The following CHD1 variants were observed in gnomAD, a reference collection of about 807,000 sequenced individuals.
CHD1 encodes chromodomain helicase DNA binding protein 1, also known as ATP-dependent chromatin remodeler CHD1.
CHD1 carries 36 observed loss-of-function variants against 224.2 expected under a neutral mutation model. The ratio of observed to expected loss-of-function variants is 0.16; its 90% CI spans 0.12 to 0.21. The LOEUF is 0.21. CHD1 is among the 10% of genes least tolerant of loss of function. The pLI, the probability that CHD1 is intolerant of heterozygous loss-of-function variation, is 1.00. For synonymous variants in CHD1, 668 were observed against 658.3 expected (o/e 1.01, Z -0.23); for missense variants, 1,378 against 1,994.8 (o/e 0.69, Z 5.89).
rs558866796 is a variant in CHD1 at position 98,878,469 on chromosome 5, T to A, written c.3237+1083A>T. Among the ~76,000 whole-genome samples, 11 of 152,260 alleles carry A rather than the reference T, an allele frequency of 7.2e-5. No homozygotes were observed. In the South Asian group the frequency reaches 2.3e-3, roughly 31 times the overall value. Reference sequence around the variant, plus strand: ...AAGGAAGCACGAAAAAACTCAGCAATCAAGACAAAAAATCTTATATCCTAA... The same window carrying A: ...AAGGAAGCACGAAAAAACTCAGCAAACAAGACAAAAAATCTTATATCCTAA... On this transcript the variant is annotated intron_variant, in intron 23 of 35. Coordinates refer to ENST00000614616, the MANE Select transcript of CHD1 (RefSeq NM_001270.4).
intron 2 of CHD1, among the ~76,000 whole-genome samples, chr5:98,915,463 C>T (rs1212764672): frequency 6.6e-6 from 1 of 152,068 alleles, no homozygotes; most frequent in African/African-American, 2.4e-5. Context: ...TTGTGTTGAA[C>T]CCAGGATAAA....
In CHD1 at chr5:98,866,690, G is replaced by A. The variant is rs558242112; in HGVS notation, c.4248+1805C>T. Among the ~76,000 whole-genome samples, 10 of 151,988 alleles carry A rather than the reference G, an allele frequency of 6.6e-5. No individual in the cohort carries two copies. The East Asian group carries it at 7.7e-4, about 12-fold the overall frequency. On this transcript the variant is annotated intron_variant, in intron 31 of 35. Transcript: ENST00000614616. ...AGAAATCTCTAAAAAGGAAATATAG[G>A]AATATATATTTATATATAAATTTGT...
intron 31 of CHD1, among the ~76,000 whole-genome samples, chr5:98,867,293 A>G (rs985341678): frequency 1.7e-4 from 26 of 152,238 alleles, no homozygotes; most frequent in Admixed American, 1.5e-3. Flanking sequence ...GAGAATCAGT[A>G]TATTTGACAA....
intron 1 of CHD1, among the ~76,000 whole-genome samples, chr5:98,928,201 C>G (rs2112694858): frequency 6.6e-6 from 1 of 151,920 alleles, no homozygotes; most frequent in Admixed American, 6.5e-5. Flanking sequence ...CGCCGCTCCC[C>G]ACGTGCTGGG....
rs1491111295 is a variant in CHD1 at position 98,911,146 on chromosome 5, A to AAATATATAT, written c.54-6049_54-6048insATATATATT. 5.1e-4 allele frequency among the ~76,000 whole-genome samples: 20 copies of AAATATATAT among 39,120 alleles called. 1 individual carries two copies. The highest frequency in any genetic ancestry group is 2.2e-3 in the African/African-American group (18 of 8,332). 25.7% of individuals were successfully genotyped at this position (39,120 alleles called of 152,430 possible). On this transcript the variant is annotated intron_variant, in intron 2 of 35. Coordinates refer to ENST00000614616, the MANE Select transcript of CHD1 (RefSeq NM_001270.4). ...TGCTAAAATGAAAAAAAAAAAAAAAAATATATATATATATATATATATATA... is the reference window on the plus strand; with the variant it reads ...TGCTAAAATGAAAAAAAAAAAAAAAAAATATATATATATATATATATATATATATATATA...
chr5:98,873,480 T>C (rs1749518199), intron 26 of CHD1, 113 bp downstream of exon 26: 1 of 820,360 alleles, frequency 1.2e-6, no homozygotes, highest in Non-Finnish European at 1.7e-6. Context: ...GTTTTATAAA[T>C]AACCTTTTGA....
chr5:98,925,418 CAAT>C (rs1320799273), intron 2 of CHD1, among the ~76,000 whole-genome samples: 1 of 152,118 alleles, frequency 6.6e-6, no homozygotes, highest in African/African-American at 2.4e-5. Flanking sequence ...ATAAGATAAA[CAAT>C]AGTTTAATCC....
In CHD1 at chr5:98,868,498, G is replaced by A; in HGVS notation, c.4245C>T (p.Ser1415=). The change falls in exon 31 of 36, where the codon AGC becomes AGT. Residue 1415 remains serine, a synonymous_variant. Transcript: ENST00000614616. ...ESEELDQKTF[S]ICKERMRPVK... is the part of the protein sequence containing the mutation. ...AATCAGAAAGTCTAAGGCTTACAATGCTGAATGTCTTCTGATCCAGCTCTT... is the reference window on the plus strand; with the variant it reads ...AATCAGAAAGTCTAAGGCTTACAATACTGAATGTCTTCTGATCCAGCTCTT... 1 of 1,607,160 alleles carries A rather than the reference G, an allele frequency of 6.2e-7. No homozygotes were observed. Among genetic ancestry groups the A allele is most frequent in the Non-Finnish European group, 8.5e-7 (1 of 1,178,558 alleles).
At position 98,921,265 on chromosome 5, in the gene CHD1, T is replaced by A. The variant is rs577420970; in HGVS notation, c.53+5069A>T. The stretch of plus-strand genomic sequence containing the variant: ...GTTACTGCTTCCGGAGAAACGAAAC[T>A]TACCTAGCCTCTTGCTAGTCCTGCT... On this transcript the variant is annotated intron_variant, in intron 2 of 35. Coordinates refer to ENST00000614616, the MANE Select transcript of CHD1 (RefSeq NM_001270.4). 2.0e-5 allele frequency among the ~76,000 whole-genome samples: 3 copies of A among 152,310 alleles called. No homozygotes were observed. The South Asian group carries it at 6.2e-4, about 32-fold the overall frequency.
Position 98,868,506 on chromosome 5 carries a change from T to C in CHD1, c.4237A>G (p.Thr1413Ala). The C allele has an allele frequency of 6.2e-7, 1 of 1,608,914 alleles. No homozygotes were observed. Among genetic ancestry groups the C allele is most frequent in the Non-Finnish European group, 8.5e-7 (1 of 1,178,886 alleles). ...AGTCTAAGGCTTACAATGCTGAATG[T>C]CTTCTGATCCAGCTCTTCAGATTCT... The part of the protein sequence containing the change: ...SEESEELDQK[T>A]FSICKERMRP... Residue 1413 changes from threonine to alanine, a missense_variant, in exon 31 of 36, where the codon ACA becomes GCA. By Grantham distance (58) the Thr-to-Ala change is moderately conservative. Around this residue, in one of 16 missense-constraint regions of CHD1, gnomAD observed 23 missense variants for 65.8 expected, o/e 0.35. Coordinates refer to ENST00000614616, the MANE Select transcript of CHD1 (RefSeq NM_001270.4).
At chr5:98,858,831 G>C (rs980503284) in intron 34 of CHD1, 133 bp downstream of exon 34, 29 of 510,650 alleles carry the variant, frequency 5.7e-5, no homozygotes, top group Non-Finnish European at 9.1e-5. Flanking sequence ...CAGAATTACT[G>C]TATCTCCTTA....
rs761433439 is a variant in CHD1, at chr5:98,869,739, A to G, written c.4107+15T>C. 18 of 1,612,034 alleles carry G rather than the reference A, an allele frequency of 1.1e-5. No individual in the cohort carries two copies. Among genetic ancestry groups the G allele is most frequent in the Non-Finnish European group, 1.4e-5 (17 of 1,179,140 alleles). ...TTTCCATAGAAAAGGTTGTTGTTCT[A>G]AAACACATTCTTACTTTATCATCAT... is the stretch of plus-strand genomic sequence containing the variant. On this transcript the variant is annotated intron_variant, in intron 30 of 35. Coordinates refer to ENST00000614616, the MANE Select transcript of CHD1 (RefSeq NM_001270.4).
chr5:98,906,173 C>T (rs189852402), intron 2 of CHD1, among the ~76,000 whole-genome samples: 3 of 152,186 alleles, frequency 2.0e-5, no homozygotes, highest in African/African-American at 4.8e-5. Context: ...TTTGATTCTA[C>T]AGGTGAGATA....
chr5:98,882,142 G>A lies in CHD1; in HGVS notation c.2719-19C>T, dbSNP rs1249812659. The A allele has an allele frequency of 1.2e-6, 2 of 1,604,866 alleles. No homozygotes were observed. Among genetic ancestry groups the A allele is most frequent in the African/African-American group, 2.7e-5 (2 of 74,618 alleles). ...TATTCACCTGTAAAAATACACATGA[G>A]GAAACAAATTGCAGTATAAAGGATT... On this transcript the variant is annotated intron_variant, in intron 19 of 35. Transcript: ENST00000614616.
intron 34 of CHD1, chr5:98,858,639 T>C (rs1453463453): frequency 2.2e-6 from 1 of 456,046 alleles, no homozygotes; most frequent in African/African-American, 2.0e-5. Context: ...GACTATACTT[T>C]TGTGACTCTG....
Position 98,908,669 on chromosome 5 carries a change from A to C in CHD1, c.54-3571T>G, listed in dbSNP as rs754189984. On this transcript the variant is annotated intron_variant, in intron 2 of 35. Transcript: ENST00000614616. ...TAATAACCAGTATTACTAATCTTTT[A>C]TAAAACTGAAATATCTGTACAACAC... 4.3e-4 allele frequency among the ~76,000 whole-genome samples: 65 copies of C among 152,318 alleles called. 2 individuals carry two copies. The highest frequency in any genetic ancestry group is 1.5e-4 in the Non-Finnish European group (10 of 68,014).
intron 2 of CHD1, among the ~76,000 whole-genome samples, chr5:98,912,767 C>T (rs1026188548): frequency 3.9e-5 from 6 of 152,242 alleles, no homozygotes; most frequent in African/African-American, 9.6e-5. Flanking sequence ...AGACTGTTTA[C>T]GTGTATTTAA....
intron 24 of CHD1, 69 bp downstream of exon 24, chr5:98,876,329 G>C: frequency 6.9e-7 from 1 of 1,454,518 alleles, no homozygotes. Context: ...TGAAAATTAC[G>C]GCGTTTTTAC....
At chr5:98,914,704 A>G in intron 2 of CHD1, among the ~76,000 whole-genome samples, 1 of 152,210 alleles carries the variant, frequency 6.6e-6, no homozygotes. Flanking sequence ...TCTCCAAAGC[A>G]ATCAATAAAA....
Sources: gnomAD v4.1 joint callset for allele counts (sites outside exome capture counted in the v4.1 genomes callset) on GRCh38, gnomAD v4.1.1 for gene constraint, gnomAD v4.1.1 regional missense constraint, MANE v1.5 for transcripts, NCBI Gene and HGNC (gene_info 2026-07-23, HGNC 2026-07-21) for gene names.